KCND3: variants seen among roughly 807,000 people sequenced by gnomAD.
The protein encoded by KCND3 is A-type voltage-gated potassium channel KCND3.
A neutral mutation model predicts 51.1 loss-of-function variants in KCND3; 9 were observed. The observed-to-expected ratio is 0.18, with a 90% CI of 0.11 to 0.31. The LOEUF (loss-of-function observed/expected upper bound fraction) is 0.31, where lower values mean the gene tolerates loss of function less well. Ranked by LOEUF, KCND3 falls within the 10% of genes least tolerant of loss-of-function variation. KCND3 has a pLI of 1.00. For synonymous variants in KCND3, 349 were observed against 368.0 expected, an observed-to-expected ratio of 0.95 and a Z score of 0.59; for missense variants, 526 against 903.8, an observed-to-expected ratio of 0.58 and a Z score of 5.36.
intron 2 of KCND3, among the ~76,000 whole-genome samples, chr1:111,884,044 G>A (rs995689621): frequency 6.6e-6 from 1 of 152,142 alleles, no homozygotes; most frequent in African/African-American, 2.4e-5. Context: ...CCTCTTGTAG[G>A]CTCTTCAACA....
chr1:111,921,538 G>A (rs796747529), intron 2 of KCND3, among the ~76,000 whole-genome samples: 17 of 152,340 alleles, frequency 1.1e-4, no homozygotes, highest in African/African-American at 4.1e-4. Context: ...AAAGGGCAGG[G>A]GAGGGAGTAG....
chr1:111,947,910 G>A (rs769883695), intron 2 of KCND3, among the ~76,000 whole-genome samples: 1 of 152,162 alleles, frequency 6.6e-6, no homozygotes. Context: ...TCTTGGGTAC[G>A]ATGACACTTC....
intron 2 of KCND3, among the ~76,000 whole-genome samples, chr1:111,964,832 T>C (rs938716510): frequency 2.0e-5 from 3 of 152,224 alleles, no homozygotes; most frequent in African/African-American, 7.2e-5. Context: ...GCTGCTTCCC[T>C]CACCTTTCTC....
intron 2 of KCND3, among the ~76,000 whole-genome samples, chr1:111,918,722 T>TC (rs2101832530): frequency 6.6e-6 from 1 of 152,238 alleles, no homozygotes; most frequent in Non-Finnish European, 1.5e-5. Context: ...CAGCTTAATT[T>TC]CCTTTGTTGC....
rs1439220371 is a variant in KCND3, at chr1:111,777,042, G to T, written c.1750C>A (p.Pro584Thr). ...STIHIQGSEQ[P>T]SLTTSRSSLN... ...GCCACCCACCTGGTTGTGAGGGAGG[G>T]CTGCTCACTGCCCTGGATGTGGATC... The change falls in exon 7 of 8, where the codon CCC becomes ACC. Residue 584 changes from proline to threonine, a missense_variant. Coordinates refer to ENST00000302127, the MANE Select transcript of KCND3 (RefSeq NM_001378969.1). 6.2e-7 allele frequency: 1 copy of T among 1,613,578 alleles called. No individual in the cohort carries two copies. The highest frequency in any genetic ancestry group is 8.5e-7 in the Non-Finnish European group (1 of 1,179,866).
At position 111,982,253 on chromosome 1, in the gene KCND3, C is replaced by T; in HGVS notation, c.474G>A (p.Glu158=). 4 of 1,614,130 alleles carry T rather than the reference C, an allele frequency of 2.5e-6. No homozygotes were observed. Among genetic ancestry groups the T allele is most frequent in the Non-Finnish European group, 3.4e-6 (4 of 1,180,024 alleles). ...MDDNDSENNQ[E]SMPSLSFRQT... is the part of the protein sequence containing the mutation. ...GGCGGAAGCTGAGCGAGGGCATGGACTCCTGGTTGTTCTCCGAGTCGTTGT... is the reference window on the plus strand; with the variant it reads ...GGCGGAAGCTGAGCGAGGGCATGGATTCCTGGTTGTTCTCCGAGTCGTTGT... Residue 158 remains glutamate (E), a synonymous_variant, in exon 2 of 8, where the codon GAG becomes GAA. Transcript: ENST00000302127. This position sits in a 1 kb window ranked among gnomAD's most constrained non-coding sequence, Gnocchi z 8.5.
intron 2 of KCND3, among the ~76,000 whole-genome samples, chr1:111,977,479 A>G (rs1455854740): frequency 6.6e-6 from 1 of 152,162 alleles, no homozygotes; most frequent in African/African-American, 2.4e-5. Context: ...ATTTTTGGAC[A>G]CTGTCAAACG....
At chr1:111,781,123 T>C (rs1664364720) in intron 3 of KCND3, among the ~76,000 whole-genome samples, 1 of 152,180 alleles carries the variant, frequency 6.6e-6, no homozygotes, top group African/African-American at 2.4e-5. Context: ...TGCTCCTCAG[T>C]TTTCTTATCT....
intron 2 of KCND3, among the ~76,000 whole-genome samples, chr1:111,802,563 A>G (rs567632830): frequency 6.6e-6 from 1 of 152,308 alleles, no homozygotes; most frequent in Non-Finnish European, 1.5e-5. Flanking sequence ...CCTACAGGGA[A>G]TGGTTAATAT....
At chr1:111,951,055 A>C (rs1422860155) in intron 2 of KCND3, among the ~76,000 whole-genome samples, 1 of 150,436 alleles carries the variant, frequency 6.6e-6, no homozygotes, top group African/African-American at 2.4e-5. Context: ...CTGTAATCCC[A>C]GCTACTTGGG....
At chr1:111,939,130 G>A (rs780867897) in intron 2 of KCND3, among the ~76,000 whole-genome samples, 2 of 152,250 alleles carry the variant, frequency 1.3e-5, no homozygotes, top group Admixed American at 6.5e-5. Context: ...TGTGGTAGAC[G>A]CATTAACATT....
In KCND3 at chr1:111,849,052, C is replaced by T. The variant is rs185672604; in HGVS notation, c.1107-61946G>A. Among the ~76,000 whole-genome samples, 22 of 152,270 alleles carry T rather than the reference C, an allele frequency of 1.4e-4. 1 individual carries two copies. In the East Asian group the frequency reaches 3.9e-3, roughly 27 times the overall value. On this transcript the variant is annotated intron_variant, in intron 2 of 7. Transcript: ENST00000302127. ...CGCCGCTCCCTGTAGCTCCCTCCTCCTCGAGGCACAGGCGTGGGAGGTTTG... is the reference window on the plus strand; with the variant it reads ...CGCCGCTCCCTGTAGCTCCCTCCTCTTCGAGGCACAGGCGTGGGAGGTTTG...
intron 2 of KCND3, among the ~76,000 whole-genome samples, chr1:111,957,753 T>C (rs1488481845): frequency 1.3e-5 from 2 of 152,156 alleles, no homozygotes; most frequent in African/African-American, 4.8e-5. Flanking sequence ...CCATCTCTTG[T>C]TTTTATCAAT....
intron 1 of KCND3, among the ~76,000 whole-genome samples, chr1:111,984,729 C>G (rs1032582068): frequency 3.9e-5 from 6 of 152,158 alleles, no homozygotes; most frequent in Non-Finnish European, 7.3e-5. Flanking sequence ...TCCTAGTATC[C>G]AGCAATAAGA....
At chr1:111,799,607 A>G (rs958335846) in intron 2 of KCND3, among the ~76,000 whole-genome samples, 15 of 152,230 alleles carry the variant, frequency 9.9e-5, no homozygotes, top group Admixed American at 9.8e-4. Context: ...TAAGACAAGA[A>G]GGAGGGCAAT....
intron 2 of KCND3, among the ~76,000 whole-genome samples, chr1:111,887,389 G>A (rs1302138676): frequency 6.6e-6 from 1 of 152,156 alleles, no homozygotes; most frequent in Non-Finnish European, 1.5e-5. Context: ...AAAAGTAAGA[G>A]AACAATTTGG....
At chr1:111,953,983 C>G (rs916152939) in intron 2 of KCND3, among the ~76,000 whole-genome samples, 1 of 152,172 alleles carries the variant, frequency 6.6e-6, no homozygotes, top group Non-Finnish European at 1.5e-5. Flanking sequence ...CTGCCCTCCA[C>G]AGGGAGGCAC....
chr1:111,809,551 A>G lies in KCND3; in HGVS notation c.1107-22445T>C, dbSNP rs929648101. Among the ~76,000 whole-genome samples the G allele has an allele frequency of 2.0e-5, 3 of 151,906 alleles. No homozygotes were observed. In the East Asian group the frequency reaches 5.8e-4, roughly 29 times the overall value. On this transcript the variant is annotated intron_variant, in intron 2 of 7. Transcript: ENST00000302127. ...TCTCAATCTCCTGACCTCATGATCT[A>G]CCTGCCTCGGCCTCCCAAAGTGCTG...
intron 2 of KCND3, among the ~76,000 whole-genome samples, chr1:111,823,760 A>G (rs549494505): frequency 1.2e-4 from 19 of 152,320 alleles, no homozygotes; most frequent in Admixed American, 1.0e-3. Flanking sequence ...GACTTGCACA[A>G]GGTCCCTCAG....
Sources: allele counts gnomAD v4.1 joint callset (sites outside exome capture counted in the v4.1 genomes callset), GRCh38; gene constraint gnomAD v4.1.1; non-coding constraint Gnocchi (gnomAD v3.1); transcripts MANE v1.5; gene names NCBI Gene and HGNC (gene_info 2026-07-23, HGNC 2026-07-21).